The following QSER1 variants were observed in gnomAD, a reference collection of about 807,000 sequenced individuals.
QSER1 encodes the protein glutamine and serine-rich protein 1.
QSER1 carries 49 observed loss-of-function variants against 158.5 expected under a neutral mutation model. That is an observed-to-expected ratio of 0.31 (90% CI 0.25 to 0.39). The LOEUF is 0.39. Ranked by LOEUF, QSER1 falls within the 10% of genes least tolerant of loss-of-function variation. QSER1 has a pLI of 1.00. For missense variants in QSER1, 1,754 were observed against 2,010.3 expected (o/e 0.87, Z 2.44); for synonymous variants, 650 against 715.5 (o/e 0.91, Z 1.46).
At chr11:32,931,060 T>A (rs1205888312) in intron 3 of QSER1, among the ~76,000 whole-genome samples, 1 of 152,156 alleles carries the variant, frequency 6.6e-6, no homozygotes, top group Non-Finnish European at 1.5e-5. Flanking sequence ...ATTTATCATG[T>A]TAGATGTAGG....
In QSER1 at chr11:32,933,365, C is replaced by T. The variant is rs764784477; in HGVS notation, c.2107C>T (p.Pro703Ser). The T allele has an allele frequency of 6.2e-7, 1 of 1,613,556 alleles. No homozygotes were observed. Among genetic ancestry groups the T allele is most frequent in the Admixed American group, 1.7e-5 (1 of 59,940 alleles). ...AATGCAAGAGTTACAGGTGTTGCAG[C>T]CACAAGCATCTCTTGAGTCATCAAC... ...FPMQELQVLQPQASLESSTQR... is the reference protein window; with the variant it reads ...FPMQELQVLQSQASLESSTQR... Residue 703 changes from proline to serine, a missense_variant, in exon 4 of 13, where the codon CCA becomes TCA. Coordinates refer to ENST00000650167, the MANE Select transcript of QSER1 (RefSeq NM_001076786.3).
At chr11:32,913,179 CTTTTTT>C (rs61685246) in intron 1 of QSER1, among the ~76,000 whole-genome samples, 15 of 54,346 alleles carry the variant, frequency 2.8e-4, no homozygotes, top group Non-Finnish European at 4.5e-4. Context: ...TCTCCTCTTC[CTTTTTT>C]TTTTTTTTTT....
intron 8 of QSER1, among the ~76,000 whole-genome samples, chr11:32,962,381 T>C (rs767055038): frequency 2.0e-5 from 3 of 152,208 alleles, no homozygotes; most frequent in Non-Finnish European, 4.4e-5. Flanking sequence ...TGTTGTTAAG[T>C]TGTAGGAGTT....
intron 1 of QSER1, among the ~76,000 whole-genome samples, chr11:32,899,446 AG>A (rs1564924074): frequency 6.6e-6 from 1 of 152,210 alleles, no homozygotes; most frequent in Admixed American, 6.5e-5. Flanking sequence ...TGAGTACTAA[AG>A]TATGTCTACC....
At chr11:32,920,149 A>G (rs2133524440) in intron 1 of QSER1, among the ~76,000 whole-genome samples, 1 of 152,086 alleles carries the variant, frequency 6.6e-6, no homozygotes, top group East Asian at 1.9e-4. Context: ...CTGGAGTGTC[A>G]TTGCTTCTGG....
chr11:32,944,455 C>T (rs1237260954), intron 4 of QSER1, among the ~76,000 whole-genome samples: 1 of 151,550 alleles, frequency 6.6e-6, no homozygotes, highest in Admixed American at 6.6e-5. Flanking sequence ...TCGTTGGTTT[C>T]AAAGAACGTC....
intron 7 of QSER1, 112 bp from the exon 8 acceptor site, chr11:32,957,757 A>G: frequency 1.2e-6 from 1 of 838,794 alleles, no homozygotes. Context: ...TTTTGAAGGT[A>G]TTGGTGAGAG....
chr11:32,964,787 C>CAT (rs1245951580), intron 8 of QSER1, among the ~76,000 whole-genome samples: 1 of 148,114 alleles, frequency 6.8e-6, no homozygotes, highest in Non-Finnish European at 1.5e-5. Context: ...CACACATACA[C>CAT]ACACATAAAC....
intron 11 of QSER1, among the ~76,000 whole-genome samples, chr11:32,974,262 G>T (rs1852929951): frequency 6.6e-6 from 1 of 151,796 alleles, no homozygotes; most frequent in Non-Finnish European, 1.5e-5. Flanking sequence ...GTCTACCCTG[G>T]GGGGAGAAAA....
intron 1 of QSER1, among the ~76,000 whole-genome samples, chr11:32,921,690 G>A (rs576388783): frequency 2.0e-5 from 3 of 152,224 alleles, no homozygotes; most frequent in African/African-American, 7.2e-5. Context: ...CTTTTAAGAT[G>A]GTATAGTTTT....
intron 4 of QSER1, among the ~76,000 whole-genome samples, chr11:32,937,276 C>T (rs765266214): frequency 2.8e-4 from 43 of 151,854 alleles, no homozygotes; most frequent in Non-Finnish European, 5.7e-4. Flanking sequence ...ACAGACTTTT[C>T]TTTTTTTTCT....
intron 1 of QSER1, among the ~76,000 whole-genome samples, chr11:32,918,421 G>C (rs1851862336): frequency 6.6e-6 from 1 of 151,832 alleles, no homozygotes. Flanking sequence ...GGGGTGGTCA[G>C]GGAAATCTTG....
intron 8 of QSER1, among the ~76,000 whole-genome samples, chr11:32,961,699 T>C (rs1023691390): frequency 6.6e-6 from 1 of 152,196 alleles, no homozygotes; most frequent in Non-Finnish European, 1.5e-5. Flanking sequence ...ACCTATTTTT[T>C]GTATTTGTGA....
chr11:32,966,020 C>G (rs1852740160), intron 8 of QSER1, among the ~76,000 whole-genome samples: 1 of 147,594 alleles, frequency 6.8e-6, no homozygotes, highest in East Asian at 2.1e-4. Context: ...GAGCATAATA[C>G]TTAAGCTTCA....
At chr11:32,960,567 A>C (rs922467725) in intron 8 of QSER1, among the ~76,000 whole-genome samples, 4 of 152,212 alleles carry the variant, frequency 2.6e-5, no homozygotes, top group African/African-American at 9.6e-5. Context: ...TCTCAAAAAA[A>C]AGAAAAAAGA....
At chr11:32,935,906 A>G (rs1039478148) in intron 4 of QSER1, among the ~76,000 whole-genome samples, 4 of 152,246 alleles carry the variant, frequency 2.6e-5, no homozygotes, top group Non-Finnish European at 5.9e-5. Context: ...CTGAACCATT[A>G]AATGTGGTTA....
chr11:32,900,968 G>A lies in QSER1; in HGVS notation c.209+7634G>A, dbSNP rs185586058. ...GTATCGTTTATTACCACCCTTTCCCGATACCACTAACCATCACTGATAGAA... is the reference window on the plus strand; with the variant it reads ...GTATCGTTTATTACCACCCTTTCCCAATACCACTAACCATCACTGATAGAA... On this transcript the variant is annotated intron_variant, in intron 1 of 12. Transcript: ENST00000650167. Among the ~76,000 whole-genome samples, 288 of 152,202 alleles carry A rather than the reference G, an allele frequency of 1.9e-3. 1 individual carries two copies. Among genetic ancestry groups the A allele is most frequent in the Non-Finnish European group, 2.9e-3 (198 of 68,006 alleles).
chr11:32,896,316 A>G (rs1014379209), intron 1 of QSER1, among the ~76,000 whole-genome samples: 10 of 152,170 alleles, frequency 6.6e-5, no homozygotes, highest in Admixed American at 1.3e-4. Context: ...AAAGTAAGGG[A>G]ATGGAAATAT....
intron 1 of QSER1, among the ~76,000 whole-genome samples, chr11:32,918,784 C>T (rs1257665902): frequency 1.3e-5 from 2 of 152,048 alleles, no homozygotes; most frequent in Non-Finnish European, 2.9e-5. Flanking sequence ...AAGGAACACC[C>T]TCTTCCCCCC....
Sources: gnomAD v4.1 joint callset for allele counts (sites outside exome capture counted in the v4.1 genomes callset) on GRCh38, gnomAD v4.1.1 for gene constraint, MANE v1.5 for transcripts, NCBI Gene and HGNC (gene_info 2026-07-23, HGNC 2026-07-21) for gene names.